KLF7: variants seen among roughly 807,000 people sequenced by gnomAD.
KLF7 encodes the protein Krueppel-like factor 7.
In KLF7, 2 loss-of-function variants were observed where a neutral mutation model predicts 27.3. The observed-to-expected ratio is 0.07, with a 90% CI of 0.03 to 0.23. KLF7 has a LOEUF of 0.23. Ranked by LOEUF, KLF7 falls within the 10% of genes least tolerant of loss-of-function variation. The pLI is 1.00. For synonymous variants in KLF7, 165 were observed against 162.4 expected, an observed-to-expected ratio of 1.02 and a Z score of -0.12; for missense variants, 221 against 394.1, an observed-to-expected ratio of 0.56 and a Z score of 3.72.
chr2:207,162,930 T>A (rs2106148502), intron 1 of KLF7, among the ~76,000 whole-genome samples: 1 of 152,290 alleles, frequency 6.6e-6, no homozygotes, highest in Non-Finnish European at 1.5e-5. Context: ...TAAAGAAACT[T>A]CTTCCTGTCT....
intron 1 of KLF7, among the ~76,000 whole-genome samples, chr2:207,145,354 CT>C (rs2078070535): frequency 6.6e-6 from 1 of 152,120 alleles, no homozygotes; most frequent in African/African-American, 2.4e-5. Flanking sequence ...TTTAATGAAC[CT>C]TTAAACAATA....
upstream of KLF7, chr2:207,166,869 A>C (rs1174770218): frequency 2.8e-6 from 3 of 1,070,798 alleles, no homozygotes; most frequent in East Asian, 1.1e-4. Flanking sequence ...GAGAGAACAA[A>C]GGGGAGCGGA....
At chr2:207,086,452 G>C (rs916095279) in intron 3 of KLF7, among the ~76,000 whole-genome samples, 2 of 152,080 alleles carry the variant, frequency 1.3e-5, no homozygotes, top group African/African-American at 4.8e-5. Flanking sequence ...GGCCTGTGTC[G>C]CGGGACGCTG....
At chr2:207,083,495 A>G (rs1432184286) in intron 3 of KLF7, among the ~76,000 whole-genome samples, 1 of 152,210 alleles carries the variant, frequency 6.6e-6, no homozygotes, top group Non-Finnish European at 1.5e-5. Context: ...AACATTCATC[A>G]GAAAGAGGAT....
At chr2:207,161,348 A>C (rs545006881) in intron 1 of KLF7, among the ~76,000 whole-genome samples, 2 of 152,336 alleles carry the variant, frequency 1.3e-5, no homozygotes, top group South Asian at 4.1e-4. Flanking sequence ...CACAAATCAC[A>C]TACCAAAAAA....
Position 207,135,821 on chromosome 2 carries a change from A to G in KLF7, c.103-11417T>C, listed in dbSNP as rs980083062. Among the ~76,000 whole-genome samples, 21 of 148,304 alleles carry G rather than the reference A, an allele frequency of 1.4e-4. 1 individual carries two copies. Among genetic ancestry groups the G allele is most frequent in the African/African-American group, 4.9e-4 (20 of 40,804 alleles). Reference sequence around the variant, plus strand: ...TTGTCTCTAACGTTTTTCATTTGGAAAAAAAAAAAATTAAATGCTTACTGT... The same window carrying G: ...TTGTCTCTAACGTTTTTCATTTGGAGAAAAAAAAAATTAAATGCTTACTGT... On this transcript the variant is annotated intron_variant, in intron 1 of 3. Transcript: ENST00000309446.
At chr2:207,097,478 G>GT (rs1350376946) in intron 2 of KLF7, among the ~76,000 whole-genome samples, 1 of 152,234 alleles carries the variant, frequency 6.6e-6, no homozygotes, top group Non-Finnish European at 1.5e-5. Context: ...TTTGTCACCT[G>GT]TATGTCCAGG....
At chr2:207,167,777 C>G (rs919256503), upstream of KLF7, among the ~76,000 whole-genome samples, 8 of 152,206 alleles carry the variant, frequency 5.3e-5, no homozygotes, top group Admixed American at 5.2e-4. Context: ...ATCTACCCAT[C>G]TCAGAAACAG....
At chr2:207,134,163 T>TTTC in intron 1 of KLF7, 9 of 1,478,970 alleles carry the variant, frequency 6.1e-6, no homozygotes, top group Non-Finnish European at 7.1e-6. Flanking sequence ...GATTTTTTTT[T>TTTC]TTTTTTTTTT....
chr2:207,113,333 G>A (rs767989418), intron 2 of KLF7, among the ~76,000 whole-genome samples: 18 of 152,100 alleles, frequency 1.2e-4, no homozygotes, highest in Non-Finnish European at 2.1e-4. Flanking sequence ...AAAGTATGCC[G>A]AGAAAGAAAG....
rs187672002 is a variant in KLF7 at position 207,117,017 on chromosome 2, A to G, written c.733+6757T>C. On this transcript the variant is annotated intron_variant, in intron 2 of 3. Coordinates refer to ENST00000309446, the MANE Select transcript of KLF7 (RefSeq NM_003709.4). ...AGTGTATGTACAGTGGGTGTTCGAAAATATTGTTTATGATGAAATACTCAT... is the reference window on the plus strand; with the variant it reads ...AGTGTATGTACAGTGGGTGTTCGAAGATATTGTTTATGATGAAATACTCAT... Among the ~76,000 whole-genome samples, 560 of 152,240 alleles carry G rather than the reference A, an allele frequency of 3.7e-3. 3 individuals are homozygous for G. The highest frequency in any genetic ancestry group is 4.8e-3 in the Non-Finnish European group (325 of 68,020).
chr2:207,124,736 C>T (rs1329265563), intron 1 of KLF7, among the ~76,000 whole-genome samples: 1 of 152,124 alleles, frequency 6.6e-6, no homozygotes, highest in Non-Finnish European at 1.5e-5. Context: ...CCAATTTCCC[C>T]TCTAGAAATT....
At chr2:207,160,118 A>G (rs906394387) in intron 1 of KLF7, among the ~76,000 whole-genome samples, 3 of 152,242 alleles carry the variant, frequency 2.0e-5, no homozygotes, top group African/African-American at 7.2e-5. Context: ...TGTAACATGA[A>G]TAATTAGACA....
intron 2 of KLF7, among the ~76,000 whole-genome samples, chr2:207,097,542 T>A (rs1368301980): frequency 6.6e-6 from 1 of 152,176 alleles, no homozygotes; most frequent in East Asian, 1.9e-4. Flanking sequence ...GCCTGCCCCG[T>A]GGAGCACAGC....
rs750213354 is a variant in KLF7 at position 207,165,527 on chromosome 2, T to C, written c.42A>G (p.Gln14=). The C allele has an allele frequency of 2.5e-6, 4 of 1,613,806 alleles. No homozygotes were observed. Among genetic ancestry groups the C allele is most frequent in the Admixed American group, 1.7e-5 (1 of 59,988 alleles). Residue 14 remains glutamine (Q), a synonymous_variant, in exon 1 of 4, where the codon CAA becomes CAG. Coordinates refer to ENST00000309446, the MANE Select transcript of KLF7 (RefSeq NM_003709.4). ...AGAAGTAGCCGGTGTCGTGGACAAG[T>C]TGTAGCTCCTGGAATATACTATAAC... ...LASYSIFQEL[Q]LVHDTGYFSA... is the part of the protein sequence containing the mutation.
intron 1 of KLF7, among the ~76,000 whole-genome samples, chr2:207,135,452 T>G (rs2077756879): frequency 1.3e-5 from 2 of 151,014 alleles, no homozygotes; most frequent in South Asian, 4.2e-4. Flanking sequence ...AGGTTTAATT[T>G]CCTGCTTCAC....
intron 2 of KLF7, among the ~76,000 whole-genome samples, chr2:207,094,701 G>A (rs1462924986): frequency 6.6e-6 from 1 of 152,168 alleles, no homozygotes; most frequent in African/African-American, 2.4e-5. Flanking sequence ...TCAACCTGTA[G>A]GTGATGCAAC....
chr2:207,171,744 C>T (rs1487391250), upstream of KLF7, among the ~76,000 whole-genome samples: 1 of 152,126 alleles, frequency 6.6e-6, no homozygotes, highest in Non-Finnish European at 1.5e-5. Context: ...TTCTTAGACA[C>T]AATGCTATTG....
intron 2 of KLF7, among the ~76,000 whole-genome samples, chr2:207,122,392 T>A (rs914422386): frequency 6.6e-6 from 1 of 152,146 alleles, no homozygotes; most frequent in African/African-American, 2.4e-5. Flanking sequence ...TCAGTCTTCA[T>A]CCTCCCATGG....
Sources: allele counts gnomAD v4.1 joint callset (sites outside exome capture counted in the v4.1 genomes callset), GRCh38; gene constraint gnomAD v4.1.1; transcripts MANE v1.5; gene names NCBI Gene and HGNC (gene_info 2026-07-23, HGNC 2026-07-21).